Variants in FARP1 observed in about 807,000 individuals in gnomAD.
FARP1 encodes the protein FERM, ARHGEF and pleckstrin domain-containing protein 1.
Under a neutral mutation model 128.8 loss-of-function variants are expected in FARP1, and 52 were observed. The observed-to-expected ratio is 0.40, with a 90% CI of 0.32 to 0.51. The LOEUF is 0.51. FARP1 is among the 20% of genes least tolerant of loss of function. The pLI, the probability that FARP1 is intolerant of heterozygous loss-of-function variation, is 0.45. For missense variants in FARP1, 1,333 were observed against 1,367.9 expected, an observed-to-expected ratio of 0.97 and a Z score of 0.40; for synonymous variants, 580 against 551.8, an observed-to-expected ratio of 1.05 and a Z score of -0.72.
In FARP1 at chr13:98,215,314, TA is replaced by T. The variant is rs533989704; in HGVS notation, c.171+1905del. Among the ~76,000 whole-genome samples the T allele has an allele frequency of 2.6e-5, 4 of 152,348 alleles. No individual in the cohort carries two copies. In the South Asian group the frequency reaches 8.3e-4, roughly 32 times the overall value. On this transcript the variant is annotated intron_variant, in intron 2 of 26. Coordinates refer to ENST00000319562, the MANE Select transcript of FARP1 (RefSeq NM_005766.4). ...TCTCTAATAAACTCCTGTGCATTCT[TA>T]AAAGCCCTATCAGTTTTACCTGGAT...
chr13:98,176,922 T>C lies in FARP1; in HGVS notation c.-24+33430T>C, dbSNP rs628778. On this transcript the variant is annotated intron_variant, in intron 1 of 26. Coordinates refer to ENST00000319562, the MANE Select transcript of FARP1 (RefSeq NM_005766.4). The surrounding 1 kb of genome is among the most constrained non-coding windows in gnomAD (Gnocchi z 6.2). ...AGTCAGCGGTGGCCCCCATGTCCTC[T>C]GGCCCCACAGGCTTCGCCGAGCGGG... 1,461,137 of 1,604,042 alleles carry C rather than the reference T, an allele frequency of 0.91. 676,470 individuals carry two copies. The highest frequency in any genetic ancestry group is 0.94 in the Non-Finnish European group (1,112,095 of 1,179,882).
intron 1 of FARP1, among the ~76,000 whole-genome samples, 152 bp downstream of exon 1, chr13:98,143,644 C>G (rs1410320177): frequency 6.6e-6 from 1 of 151,060 alleles, no homozygotes; most frequent in Non-Finnish European, 1.5e-5. Context: ...AGGTCCTGCC[C>G]TGCGCAGTCG....
At position 98,409,454 on chromosome 13, in the gene FARP1, C is replaced by T. The variant is rs1891106996; in HGVS notation, c.1531C>T (p.Pro511Ser). The T allele has an allele frequency of 6.2e-7, 1 of 1,614,000 alleles. No individual in the cohort carries two copies. Among genetic ancestry groups the T allele is most frequent in the Non-Finnish European group, 8.5e-7 (1 of 1,180,026 alleles). Residue 511 changes from proline to serine, a missense_variant, in exon 14 of 27, where the codon CCC becomes TCC. This residue lies in a region of FARP1 where 1,009 missense variants were observed against 969.8 expected (regional missense o/e 1.04). Coordinates refer to ENST00000319562, the MANE Select transcript of FARP1 (RefSeq NM_005766.4). ...NLSPDTKQAS[P>S]LISPLLNDQA... ...GAGCCCCGACACCAAGCAGGCCTCT[C>T]CCTTGATCAGCCCGCTGCTGAATGA... is the stretch of plus-strand genomic sequence containing the variant.
chr13:98,347,939 ATAAG>A (rs1463997849), intron 3 of FARP1, among the ~76,000 whole-genome samples: 4 of 152,166 alleles, frequency 2.6e-5, no homozygotes, highest in African/African-American at 9.7e-5. Context: ...TCTCTAGGCA[ATAAG>A]TTGTTGAATT....
intron 26 of FARP1, 73 bp from the exon 27 acceptor site, chr13:98,448,163 T>C: frequency 7.7e-7 from 1 of 1,300,206 alleles, no homozygotes; most frequent in Non-Finnish European, 1.1e-6. Context: ...TGTGTTTCTG[T>C]AAGCGATGCC....
At chr13:98,370,141 G>T (rs1207530243) in intron 5 of FARP1, among the ~76,000 whole-genome samples, 1 of 152,206 alleles carries the variant, frequency 6.6e-6, no homozygotes, top group South Asian at 2.1e-4. Flanking sequence ...AGGCTGGTGG[G>T]TCTGGGATGC....
At chr13:98,408,798 A>T (rs1490735719) in intron 13 of FARP1, among the ~76,000 whole-genome samples, 4 of 152,250 alleles carry the variant, frequency 2.6e-5, no homozygotes, top group Admixed American at 2.0e-4. Context: ...AGTGAGAGAC[A>T]TGGAATGACA....
At chr13:98,303,750 G>A (rs1003489102) in intron 2 of FARP1, among the ~76,000 whole-genome samples, 3 of 152,146 alleles carry the variant, frequency 2.0e-5, no homozygotes, top group Non-Finnish European at 2.9e-5. Context: ...TAGTAAAATC[G>A]ATATGTGTAA....
rs1882827868 is a variant in FARP1, at chr13:98,242,466, A to T, written c.171+29053A>T. Among the ~76,000 whole-genome samples the T allele has an allele frequency of 2.6e-5, 4 of 152,130 alleles. No individual in the cohort carries two copies. The South Asian group carries it at 8.3e-4, about 32-fold the overall frequency. ...CGAGGTGAGAAGATCTCTTATGGCC[A>T]GGAGTTCGAGACCAGCCTGGGCAAC... On this transcript the variant is annotated intron_variant, in intron 2 of 26. Transcript: ENST00000319562.
intron 6 of FARP1, among the ~76,000 whole-genome samples, chr13:98,381,097 T>A (rs1337024518): frequency 6.6e-6 from 1 of 152,170 alleles, no homozygotes; most frequent in Non-Finnish European, 1.5e-5. Context: ...ATAGATGGGA[T>A]GAGAAGTTCC....
At chr13:98,268,777 T>TG (rs1388520584) in intron 2 of FARP1, among the ~76,000 whole-genome samples, 1 of 99,828 alleles carries the variant, frequency 1.0e-5, no homozygotes, top group African/African-American at 3.8e-5. Context: ...CTTTCCCTTC[T>TG]TTGTGTGTGT....
chr13:98,250,371 G>A (rs778910304), intron 2 of FARP1, among the ~76,000 whole-genome samples: 2 of 152,128 alleles, frequency 1.3e-5, no homozygotes, highest in Non-Finnish European at 2.9e-5. Context: ...ACTTTAAATT[G>A]TGAAATATGG....
chr13:98,390,202 G>T (rs1022406749), intron 10 of FARP1, 82 bp downstream of exon 10: 33 of 1,453,094 alleles, frequency 2.3e-5, no homozygotes, highest in Non-Finnish European at 2.9e-5. Context: ...CACACAGCAG[G>T]TCAGGGAGGT....
At chr13:98,182,475 C>T (rs183373738) in intron 1 of FARP1, among the ~76,000 whole-genome samples, 62 of 152,196 alleles carry the variant, frequency 4.1e-4, no homozygotes, top group African/African-American at 1.3e-3. Flanking sequence ...TACAGGCACA[C>T]GCCCCCACAC....
chr13:98,334,179 G>C (rs749429727), intron 2 of FARP1: 1 of 152,306 alleles, frequency 6.6e-6, no homozygotes, highest in African/African-American at 2.4e-5. Flanking sequence ...CTCCAGCCTG[G>C]AAAGTCCCAG....
chr13:98,321,520 C>T (rs1317919767), intron 2 of FARP1, among the ~76,000 whole-genome samples: 1 of 152,196 alleles, frequency 6.6e-6, no homozygotes, highest in Non-Finnish European at 1.5e-5. Context: ...GACAGATAGA[C>T]TGCTAGATTT....
chr13:98,265,142 C>T (rs1884043523), intron 2 of FARP1, among the ~76,000 whole-genome samples: 2 of 152,076 alleles, frequency 1.3e-5, no homozygotes, highest in African/African-American at 4.8e-5. Context: ...GGAAATTATA[C>T]AGTACAAAGC....
chr13:98,394,507 C>A (rs1404272799), intron 12 of FARP1, among the ~76,000 whole-genome samples: 1 of 152,200 alleles, frequency 6.6e-6, no homozygotes, highest in African/African-American at 2.4e-5. Flanking sequence ...AGAAGCTTTA[C>A]AAGCCCAACA....
At chr13:98,325,347 G>A (rs1458394297) in intron 2 of FARP1, among the ~76,000 whole-genome samples, 5 of 151,800 alleles carry the variant, frequency 3.3e-5, no homozygotes, top group East Asian at 1.9e-4. Flanking sequence ...TCTTTGTCAC[G>A]GCTCTCTATC....
Sources: gnomAD v4.1 joint callset for allele counts (sites outside exome capture counted in the v4.1 genomes callset) on GRCh38, gnomAD v4.1.1 for gene constraint, gnomAD v4.1.1 regional missense constraint, Gnocchi (gnomAD v3.1) non-coding constraint, MANE v1.5 for transcripts, NCBI Gene and HGNC (gene_info 2026-07-23, HGNC 2026-07-21) for gene names.